TENM3: variants seen among roughly 807,000 people sequenced by gnomAD.
The protein encoded by TENM3 is teneurin transmembrane protein 3, also known as teneurin-3.
A neutral mutation model predicts 255.1 loss-of-function variants in TENM3; 63 were observed. The ratio of observed to expected loss-of-function variants is 0.25; its 90% CI spans 0.20 to 0.30. The LOEUF (loss-of-function observed/expected upper bound fraction) is 0.30. TENM3 is among the 10% of genes least tolerant of loss of function. TENM3 has a pLI of 1.00. For missense variants in TENM3, 2,929 were observed against 3,461.1 expected (o/e 0.85, Z 3.86); for synonymous variants, 1,306 against 1,322.3 (o/e 0.99, Z 0.27).
At chr4:181,781,060 C>A in the TENM3 span, among the ~76,000 whole-genome samples, 1 of 152,132 alleles carries the variant, frequency 6.6e-6, no homozygotes, top group Non-Finnish European at 1.5e-5. Flanking sequence ...TAGCATGATG[C>A]CTCCAGCTTT....
the TENM3 span, among the ~76,000 whole-genome samples, chr4:182,086,982 A>C: frequency 1.8e-3 from 280 of 152,242 alleles, no homozygotes; most frequent in Middle Eastern, 6.8e-3. Flanking sequence ...TTGTATGTGA[A>C]TATTTTGAGT....
At chr4:182,284,420 A>G (rs1279103386) in intron 1 of TENM3, among the ~76,000 whole-genome samples, 1 of 152,252 alleles carries the variant, frequency 6.6e-6, no homozygotes, top group Non-Finnish European at 1.5e-5. Context: ...ATATCCAGGC[A>G]GTCTGGTATT....
chr4:182,583,058 C>T (rs1437638089), intron 3 of TENM3, among the ~76,000 whole-genome samples: 1 of 152,178 alleles, frequency 6.6e-6, no homozygotes, highest in Admixed American at 6.5e-5. Context: ...TTTTTATTCT[C>T]CTTCGTAATC....
At chr4:182,442,157 G>T (rs1442843141) in intron 3 of TENM3, among the ~76,000 whole-genome samples, 1 of 152,088 alleles carries the variant, frequency 6.6e-6, no homozygotes. Context: ...CCACAATGAT[G>T]CATAAATATA....
intron 3 of TENM3, among the ~76,000 whole-genome samples, chr4:182,387,261 TG>T (rs1768016449): frequency 6.6e-6 from 1 of 152,192 alleles, no homozygotes. Flanking sequence ...GCTCAAGCTT[TG>T]TGAGTGCACC....
At chr4:182,717,992 A>G (rs1316233793) in intron 13 of TENM3, among the ~76,000 whole-genome samples, 2 of 151,974 alleles carry the variant, frequency 1.3e-5, no homozygotes, top group African/African-American at 2.4e-5. Context: ...TCGGTTCCTC[A>G]AGTACCTCTT....
chr4:181,612,786 G>T, the TENM3 span, among the ~76,000 whole-genome samples: 1 of 152,110 alleles, frequency 6.6e-6, no homozygotes, highest in Non-Finnish European at 1.5e-5. Context: ...TATTACTTCA[G>T]TTGAGGCCTA....
At chr4:181,689,640 A>G in the TENM3 span, among the ~76,000 whole-genome samples, 7 of 152,156 alleles carry the variant, frequency 4.6e-5, no homozygotes, top group African/African-American at 1.7e-4. Flanking sequence ...CCTCTACTGT[A>G]TTTAAGAATT....
At chr4:181,781,384 A>G in the TENM3 span, among the ~76,000 whole-genome samples, 5 of 152,290 alleles carry the variant, frequency 3.3e-5, no homozygotes, top group East Asian at 9.7e-4. Context: ...CTTTGAAACA[A>G]TTGTGAATGG....
intron 3 of TENM3, among the ~76,000 whole-genome samples, chr4:182,410,618 T>C (rs1769917157): frequency 6.6e-6 from 1 of 152,178 alleles, no homozygotes; most frequent in African/African-American, 2.4e-5. Context: ...ACTTTTTACG[T>C]AGAAGATCTA....
the TENM3 span, among the ~76,000 whole-genome samples, chr4:181,686,930 T>C: frequency 6.6e-6 from 1 of 152,168 alleles, no homozygotes; most frequent in African/African-American, 2.4e-5. Flanking sequence ...TTTTAAACTT[T>C]ATGTTTTCTT....
the TENM3 span, among the ~76,000 whole-genome samples, chr4:181,931,900 A>C: frequency 6.6e-6 from 1 of 152,224 alleles, no homozygotes; most frequent in African/African-American, 2.4e-5. Flanking sequence ...AAACCTGACA[A>C]AAACAAGCAA....
At chr4:181,549,547 G>GA in the TENM3 span, among the ~76,000 whole-genome samples, 1 of 152,216 alleles carries the variant, frequency 6.6e-6, no homozygotes, top group Non-Finnish European at 1.5e-5. Flanking sequence ...GTATGCATAT[G>GA]AATGTGTTTG....
chr4:182,022,141 A>G, the TENM3 span, among the ~76,000 whole-genome samples: 3 of 150,138 alleles, frequency 2.0e-5, no homozygotes, highest in South Asian at 2.1e-4. Context: ...CATGGAATCA[A>G]TCTTGGTGCC....
At chr4:181,706,772 A>G in the TENM3 span, among the ~76,000 whole-genome samples, 16 of 152,320 alleles carry the variant, frequency 1.1e-4, 1 homozygote, top group East Asian at 2.7e-3. Context: ...AACCTGAATT[A>G]CAAGAAGTAA....
intron 24 of TENM3, among the ~76,000 whole-genome samples, chr4:182,783,523 A>AGG (rs1296596942): frequency 6.6e-6 from 1 of 151,534 alleles, no homozygotes; most frequent in Non-Finnish European, 1.5e-5. Context: ...TGAATCTGAC[A>AGG]ATTATGTGTC....
chr4:182,621,544 C>T (rs1750146601), intron 4 of TENM3, among the ~76,000 whole-genome samples: 1 of 143,036 alleles, frequency 7.0e-6, no homozygotes, highest in African/African-American at 2.6e-5. Context: ...AGGAAGACTG[C>T]TTAAGGGTAG....
chr4:182,046,083 G>A, the TENM3 span, among the ~76,000 whole-genome samples: 4 of 152,080 alleles, frequency 2.6e-5, no homozygotes, highest in Admixed American at 1.3e-4. Context: ...TCAGGAATCA[G>A]AGAAAGTATT....
intron 3 of TENM3, among the ~76,000 whole-genome samples, chr4:182,396,293 T>G (rs1768804410): frequency 6.6e-6 from 1 of 152,230 alleles, no homozygotes; most frequent in South Asian, 2.1e-4. Context: ...GGAAGCCTAG[T>G]ATTTCTAGAG....
Sources: allele counts gnomAD v4.1 joint callset (sites outside exome capture counted in the v4.1 genomes callset), GRCh38; gene constraint gnomAD v4.1.1; transcripts MANE v1.5; gene names NCBI Gene and HGNC (gene_info 2026-07-23, HGNC 2026-07-21).